CDR2L: variants seen among roughly 807,000 people sequenced by gnomAD.
CDR2L encodes cerebellar degeneration-related protein 2-like.
Under a neutral mutation model 36.1 loss-of-function variants are expected in CDR2L, and 19 were observed. That is an observed-to-expected ratio of 0.53 (90% CI 0.37 to 0.77). The LOEUF (loss-of-function observed/expected upper bound fraction) is 0.77, where lower values mean the gene tolerates loss of function less well. Ranked by LOEUF, CDR2L falls within the 30% of genes least tolerant of loss-of-function variation. The pLI is 0.00. For synonymous variants in CDR2L, 285 were observed against 280.4 expected, an observed-to-expected ratio of 1.02 and a Z score of -0.16; for missense variants, 575 against 627.2, an observed-to-expected ratio of 0.92 and a Z score of 0.89.
chr17:74,998,047 C>T (rs1031921693), intron 1 of CDR2L, among the ~76,000 whole-genome samples: 2 of 151,910 alleles, frequency 1.3e-5, no homozygotes, highest in Admixed American at 6.6e-5. Flanking sequence ...GGTGAAACCC[C>T]GTCTCTACTA....
chr17:74,993,112 T>C (rs2039806281), intron 1 of CDR2L, among the ~76,000 whole-genome samples: 2 of 152,206 alleles, frequency 1.3e-5, no homozygotes, highest in African/African-American at 4.8e-5. Flanking sequence ...ATCTCTTTCA[T>C]GTATATCTGA....
rs1030935108 is a variant in CDR2L at position 74,991,581 on chromosome 17, G to A, written c.79+3459G>A. On this transcript the variant is annotated intron_variant, in intron 1 of 4. Transcript: ENST00000337231. ...AAATACAAAAAATTAGCCGGGCGCG[G>A]TGGCGGGCGCCTGTAGTCCCAGCTA... 3.9e-5 allele frequency among the ~76,000 whole-genome samples: 6 copies of A among 152,030 alleles called. No individual in the cohort carries two copies. The East Asian group carries it at 1.2e-3, about 29-fold the overall frequency.
At chr17:74,988,189 T>C (rs2039775308) in intron 1 of CDR2L, 67 bp downstream of exon 1, 1 of 1,199,120 alleles carries the variant, frequency 8.3e-7, no homozygotes. Context: ...GCTTCTCCAT[T>C]GTTGGGCGCT....
At chr17:74,991,807 G>A (rs1349888859) in intron 1 of CDR2L, among the ~76,000 whole-genome samples, 2 of 152,176 alleles carry the variant, frequency 1.3e-5, no homozygotes, top group Non-Finnish European at 2.9e-5. Context: ...CTTGGACCAG[G>A]CGTGGCAGGC....
chr17:75,003,349 CAGG>C lies in CDR2L; in HGVS notation c.676_678del (p.Glu226del), dbSNP rs1192244999. On this transcript the variant is annotated inframe_deletion, in exon 5 of 5. Coordinates refer to ENST00000337231, the MANE Select transcript of CDR2L (RefSeq NM_014603.3). ...GGAGCGCGAGTACACCGCGGTGCTGCAGGAGTACTCGGAGCTGGAGCGCCAGCT... is the reference window on the plus strand; with the variant it reads ...GGAGCGCGAGTACACCGCGGTGCTGCAGTACTCGGAGCTGGAGCGCCAGCT... 1 of 1,557,374 alleles carries C rather than the reference CAGG, an allele frequency of 6.4e-7. No homozygotes were observed. The highest frequency in any genetic ancestry group is 1.9e-5 in the Admixed American group (1 of 51,594).
Position 75,004,230 on chromosome 17 carries a change from G to C in CDR2L, c.*156G>C. On this transcript the variant is annotated 3_prime_UTR_variant, in exon 5 of 5. Transcript: ENST00000337231. ...GCACGCAGCATGTTCCCTGCTGAGC[G>C]GAGGCAGCCCACCTGTCCTGCCTCC... The C allele has an allele frequency of 3.0e-6, 2 of 660,748 alleles. No individual in the cohort carries two copies. The highest frequency in any genetic ancestry group is 5.0e-6 in the Non-Finnish European group (2 of 396,176). 40.9% of individuals were successfully genotyped at this position (660,748 alleles called of 1,614,324 possible). A position where few individuals can be genotyped will look rare whatever the true frequency, so the allele number is the denominator to read the frequency against.
In CDR2L at chr17:75,005,738, A is replaced by G. The variant is rs2039899693; in HGVS notation, c.*1664A>G. On this transcript the variant is annotated 3_prime_UTR_variant, in exon 5 of 5. Transcript: ENST00000337231. This position sits in a 1 kb window ranked among gnomAD's most constrained non-coding sequence, Gnocchi z 4.2. Reference sequence around the variant, plus strand: ...CCTTTGAAGTATACGTGAGAGAAATATATTTACAAATGCTTTATTCTCTTC... The same window carrying G: ...CCTTTGAAGTATACGTGAGAGAAATGTATTTACAAATGCTTTATTCTCTTC... 1 of 152,652 alleles carries G rather than the reference A, an allele frequency of 6.6e-6. No homozygotes were observed. The allele number at this position is 152,652 out of a possible 1,614,324, so 9.5% of individuals were successfully genotyped here. A position where few individuals can be genotyped will look rare whatever the true frequency, so the allele number is the denominator to read the frequency against.
At chr17:74,988,198 C>A in intron 1 of CDR2L, 76 bp downstream of exon 1, 1 of 1,133,894 alleles carries the variant, frequency 8.8e-7, no homozygotes, top group Non-Finnish European at 1.2e-6. Context: ...TTGTTGGGCG[C>A]TATCACCCCG....
At chr17:75,003,067 G>A in intron 4 of CDR2L, 116 bp from the exon 5 acceptor site, 1 of 1,102,142 alleles carries the variant, frequency 9.1e-7, no homozygotes, top group Non-Finnish European at 1.3e-6. Context: ...AACAATTTCA[G>A]CCCAGAGAAC....
chr17:74,990,473 C>T (rs372179761), intron 1 of CDR2L, among the ~76,000 whole-genome samples: 9 of 152,318 alleles, frequency 5.9e-5, no homozygotes, highest in African/African-American at 9.6e-5. Context: ...TTAGAGAAGA[C>T]AGAAATAGGA....
At position 74,999,551 on chromosome 17, in the gene CDR2L, A is replaced by C; in HGVS notation, c.127A>C (p.Lys43Gln). 6.3e-7 allele frequency: 1 copy of C among 1,589,454 alleles called. No homozygotes were observed. Among genetic ancestry groups the C allele is most frequent in the South Asian group, 1.2e-5 (1 of 86,526 alleles). ...GGGGAAGACTCTGCTGGAGAGGAAC[A>C]AGGAGCTGGAGGGGTCCCTGCAGCA... ...ELGKTLLERN[K>Q]ELEGSLQQMY... The change falls in exon 2 of 5, where the codon AAG becomes CAG. Residue 43 changes from lysine (K) to glutamine (Q), a missense_variant. Lys to Gln is a moderately conservative substitution (Grantham distance 53). Transcript: ENST00000337231.
intron 1 of CDR2L, among the ~76,000 whole-genome samples, chr17:74,997,913 AG>A (rs1169788900): frequency 1.8e-5 from 2 of 112,744 alleles, no homozygotes; most frequent in African/African-American, 6.8e-5. Context: ...AAAAGATTTT[AG>A]AAGTTAAAAA....
At chr17:74,997,395 AG>A (rs1037465317) in intron 1 of CDR2L, among the ~76,000 whole-genome samples, 2 of 152,038 alleles carry the variant, frequency 1.3e-5, no homozygotes, top group African/African-American at 4.8e-5. Flanking sequence ...CACCCTTCAA[AG>A]TCCAACTCGA....
intron 3 of CDR2L, among the ~76,000 whole-genome samples, chr17:75,001,847 G>A (rs2039868906): frequency 6.6e-6 from 1 of 152,204 alleles, no homozygotes; most frequent in Non-Finnish European, 1.5e-5. Context: ...AGGTGGCACA[G>A]AGGAGAAGCG....
intron 1 of CDR2L, among the ~76,000 whole-genome samples, chr17:74,997,895 C>T (rs375315332): frequency 7.2e-6 from 1 of 139,214 alleles, no homozygotes; most frequent in East Asian, 2.1e-4. Flanking sequence ...CCTGTAATCC[C>T]GGCATAAAAA....
rs890387821 is a variant in CDR2L at position 75,005,249 on chromosome 17, T to C, written c.*1175T>C. Reference sequence around the variant, plus strand: ...TGAGGACCCAGCTGCGTCAGGAGTTTTGCTTCAAGATGTCAGAAAGTCAAG... The same window carrying C: ...TGAGGACCCAGCTGCGTCAGGAGTTCTGCTTCAAGATGTCAGAAAGTCAAG... On this transcript the variant is annotated 3_prime_UTR_variant, in exon 5 of 5. Coordinates refer to ENST00000337231, the MANE Select transcript of CDR2L (RefSeq NM_014603.3). This position sits in a 1 kb window ranked among gnomAD's most constrained non-coding sequence, Gnocchi z 4.2. 2.0e-5 allele frequency: 3 copies of C among 152,350 alleles called. No individual in the cohort carries two copies. The highest frequency in any genetic ancestry group is 7.2e-5 in the African/African-American group (3 of 41,426). The allele number at this position is 152,350 out of a possible 1,614,324, so 9.4% of individuals were successfully genotyped here.
intron 1 of CDR2L, among the ~76,000 whole-genome samples, chr17:74,993,665 A>C (rs2039809573): frequency 6.6e-6 from 1 of 152,158 alleles, no homozygotes; most frequent in African/African-American, 2.4e-5. Context: ...AAAAGTTCTT[A>C]CCTATGATTT....
chr17:75,001,534 C>A (rs929398316), intron 3 of CDR2L, 45 bp downstream of exon 3: 91 of 1,468,296 alleles, frequency 6.2e-5, no homozygotes, highest in Non-Finnish European at 7.7e-5. Flanking sequence ...GGGAGAGCCC[C>A]AGGGCTGAGT....
At chr17:74,999,714 C>T (rs1408561944) in intron 2 of CDR2L, 98 bp downstream of exon 2, 2 of 680,018 alleles carry the variant, frequency 2.9e-6, no homozygotes, top group Non-Finnish European at 5.1e-6. Context: ...TTATCGGACA[C>T]AGCCTTAGCC....
Sources: allele counts gnomAD v4.1 joint callset (sites outside exome capture counted in the v4.1 genomes callset), GRCh38; gene constraint gnomAD v4.1.1; non-coding constraint Gnocchi (gnomAD v3.1); transcripts MANE v1.5; gene names NCBI Gene and HGNC (gene_info 2026-07-23, HGNC 2026-07-21).